TTLL5: variants seen among roughly 807,000 people sequenced by gnomAD.
The protein encoded by TTLL5 is tubulin tyrosine ligase like 5.
TTLL5 carries 132 observed loss-of-function variants against 168.4 expected under a neutral mutation model. The observed-to-expected ratio is 0.78, with a 90% confidence interval of 0.68 to 0.91. TTLL5 has a LOEUF of 0.91. Ranked by LOEUF, TTLL5 falls within the 40% of genes least tolerant of loss-of-function variation. The pLI, the probability that TTLL5 is intolerant of heterozygous loss-of-function variation, is 0.00. For synonymous variants in TTLL5, 546 were observed against 558.6 expected (o/e 0.98, Z 0.32); for missense variants, 1,545 against 1,581.5 (o/e 0.98, Z 0.39).
chr14:75,775,905 G>A (rs1381013376), intron 22 of TTLL5, among the ~76,000 whole-genome samples: 3 of 152,158 alleles, frequency 2.0e-5, no homozygotes, highest in East Asian at 1.9e-4. Context: ...TGAATCCTAG[G>A]CTGTGTGAGT....
At chr14:75,768,695 A>C (rs1235832643) in intron 20 of TTLL5, among the ~76,000 whole-genome samples, 2 of 152,170 alleles carry the variant, frequency 1.3e-5, no homozygotes, top group Non-Finnish European at 2.9e-5. Context: ...AGTTGACAGA[A>C]GTTTAAGAGC....
chr14:75,874,298 T>G lies in TTLL5; in HGVS notation c.3523-8387T>G, dbSNP rs2031282154. 2.0e-5 allele frequency among the ~76,000 whole-genome samples: 3 copies of G among 152,130 alleles called. No homozygotes were observed. The South Asian group carries it at 6.2e-4, about 32-fold the overall frequency. ...TAGTAGAGGCGGGGTTTCAACATGTTAGCCAGGATGGTCTCGATTTCCTGA... is the reference window on the plus strand; with the variant it reads ...TAGTAGAGGCGGGGTTTCAACATGTGAGCCAGGATGGTCTCGATTTCCTGA... On this transcript the variant is annotated intron_variant, in intron 29 of 31. Transcript: ENST00000298832.
chr14:75,916,758 C>T (rs913067275), intron 31 of TTLL5, among the ~76,000 whole-genome samples: 1 of 152,220 alleles, frequency 6.6e-6, no homozygotes, highest in Non-Finnish European at 1.5e-5. Context: ...GCATTATTCA[C>T]AGTAATCAAA....
intron 26 of TTLL5, among the ~76,000 whole-genome samples, chr14:75,785,147 G>C (rs888925974): frequency 2.8e-5 from 4 of 144,646 alleles, no homozygotes; most frequent in African/African-American, 1.0e-4. Flanking sequence ...GAATACTGTT[G>C]CCTAATCAAG....
At chr14:75,736,425 A>G (rs1257864509) in intron 15 of TTLL5, among the ~76,000 whole-genome samples, 1 of 152,190 alleles carries the variant, frequency 6.6e-6, no homozygotes, top group Non-Finnish European at 1.5e-5. Flanking sequence ...TCAAACTCAA[A>G]TGCTTAGAGG....
At chr14:75,918,028 C>G (rs148864121) in intron 31 of TTLL5, among the ~76,000 whole-genome samples, 26 of 152,334 alleles carry the variant, frequency 1.7e-4, no homozygotes, top group African/African-American at 6.0e-4. Flanking sequence ...TCTACTAACT[C>G]TAATGCATTG....
intron 9 of TTLL5, among the ~76,000 whole-genome samples, chr14:75,715,558 G>A (rs1427942050): frequency 6.6e-6 from 1 of 152,132 alleles, no homozygotes; most frequent in Non-Finnish European, 1.5e-5. Context: ...TAGGAGGAAA[G>A]ATGAACATGC....
intron 5 of TTLL5, chr14:75,689,839 G>C: frequency 4.6e-6 from 1 of 215,126 alleles, no homozygotes; most frequent in Non-Finnish European, 9.1e-6. Flanking sequence ...TGATTGGGAG[G>C]GTCCACTACA....
chr14:75,893,872 A>T (rs1002163454), intron 30 of TTLL5, among the ~76,000 whole-genome samples: 1 of 151,774 alleles, frequency 6.6e-6, no homozygotes, highest in Admixed American at 6.6e-5. Flanking sequence ...AGACATTCAA[A>T]GTCTAAGAGT....
rs185228394 is a variant in TTLL5 at position 75,881,483 on chromosome 14, A to G, written c.3523-1202A>G. ...TCCTGAAAATGAGACATTTTATGTC[A>G]TGCATATAGAAGGGTTGGTGAACAT... is the stretch of plus-strand genomic sequence containing the variant. On this transcript the variant is annotated intron_variant, in intron 29 of 31. Coordinates refer to ENST00000298832, the MANE Select transcript of TTLL5 (RefSeq NM_015072.5). Among the ~76,000 whole-genome samples, 231 of 152,338 alleles carry G rather than the reference A, an allele frequency of 1.5e-3. 5 individuals carry two copies. The highest frequency in any genetic ancestry group is 5.1e-3 in the African/African-American group (214 of 41,588).
intron 26 of TTLL5, among the ~76,000 whole-genome samples, chr14:75,792,202 T>A (rs1055604556): frequency 7.8e-6 from 1 of 127,900 alleles, no homozygotes; most frequent in African/African-American, 3.0e-5. Context: ...TTTGAAAATA[T>A]ACACACACTG....
chr14:75,764,704 T>C lies in TTLL5; in HGVS notation c.1640T>C (p.Leu547Pro), dbSNP rs1469414733. 6.2e-7 allele frequency: 1 copy of C among 1,614,068 alleles called. No individual in the cohort carries two copies. The highest frequency in any genetic ancestry group is 8.5e-7 in the Non-Finnish European group (1 of 1,180,018). The change falls in exon 19 of 32, where the codon CTG (leucine) becomes CCG (proline). Residue 547 changes from leucine to proline, a missense_variant. By Grantham distance (98) the Leu-to-Pro change is moderately conservative (BLOSUM62 -3). Coordinates refer to ENST00000298832, the MANE Select transcript of TTLL5 (RefSeq NM_015072.5). ...GCTGCACTTTACGAGAGGAAGCTCC[T>C]GTCTCTGGAGGTGCGAAAACGTAGA... ...LHAALYERKL[L>P]SLEVRKRRRR...
chr14:75,687,166 T>G (rs1885122705), intron 5 of TTLL5, among the ~76,000 whole-genome samples: 1 of 152,200 alleles, frequency 6.6e-6, no homozygotes, highest in Non-Finnish European at 1.5e-5. Flanking sequence ...CTGTAAAACT[T>G]ATAGAAGAAA....
At chr14:75,681,799 C>T (rs1884631247) in intron 4 of TTLL5, among the ~76,000 whole-genome samples, 172 bp downstream of exon 4, 1 of 151,990 alleles carries the variant, frequency 6.6e-6, no homozygotes, top group Non-Finnish European at 1.5e-5. Flanking sequence ...TTTCTGCTTG[C>T]AATACATGGA....
intron 3 of TTLL5, among the ~76,000 whole-genome samples, chr14:75,671,237 A>G (rs1252177566): frequency 2.6e-5 from 4 of 152,162 alleles, no homozygotes; most frequent in Admixed American, 2.0e-4. Context: ...TTACTTATGG[A>G]CTTTTAATAT....
At chr14:75,850,320 C>T (rs183571071) in intron 28 of TTLL5, among the ~76,000 whole-genome samples, 4 of 149,238 alleles carry the variant, frequency 2.7e-5, no homozygotes, top group South Asian at 2.1e-4. Context: ...GCAGGAGAAT[C>T]GCTTGAACCT....
intron 20 of TTLL5, among the ~76,000 whole-genome samples, chr14:75,768,484 G>C (rs552020658): frequency 6.6e-6 from 1 of 152,050 alleles, no homozygotes; most frequent in Non-Finnish European, 1.5e-5. Flanking sequence ...CCAGCTAAAA[G>C]AAACGGATTT....
chr14:75,863,972 C>T (rs1160424200), intron 29 of TTLL5, 110 bp downstream of exon 29: 1 of 1,157,662 alleles, frequency 8.6e-7, no homozygotes, highest in Non-Finnish European at 1.1e-6. Context: ...GTTTTCCAAC[C>T]CCGTGCCATC....
At chr14:75,806,765 A>G (rs745308948) in intron 27 of TTLL5, among the ~76,000 whole-genome samples, 1 of 152,222 alleles carries the variant, frequency 6.6e-6, no homozygotes, top group Non-Finnish European at 1.5e-5. Context: ...TACTCAAAAA[A>G]TGTGCTGATT....
Sources: gnomAD v4.1 joint callset for allele counts (sites outside exome capture counted in the v4.1 genomes callset) on GRCh38, gnomAD v4.1.1 for gene constraint, MANE v1.5 for transcripts, NCBI Gene and HGNC (gene_info 2026-07-23, HGNC 2026-07-21) for gene names.